The following TNIK variants were observed in gnomAD, a reference collection of about 807,000 sequenced individuals.
TNIK encodes TRAF2 and NCK-interacting protein kinase.
TNIK carries 49 observed loss-of-function variants against 191.3 expected under a neutral mutation model. The ratio of observed to expected loss-of-function variants is 0.26; its 90% CI spans 0.20 to 0.32. The LOEUF (loss-of-function observed/expected upper bound fraction) is 0.32, where lower values mean the gene tolerates loss of function less well. TNIK is among the 10% of genes least tolerant of loss of function. The pLI is 1.00. For missense variants in TNIK, 1,155 were observed against 1,702.3 expected (o/e 0.68, Z 5.66); for synonymous variants, 594 against 600.9 (o/e 0.99, Z 0.17).
At chr3:171,443,667 AT>A (rs1339574951) in intron 1 of TNIK, among the ~76,000 whole-genome samples, 4 of 151,204 alleles carry the variant, frequency 2.6e-5, no homozygotes, top group African/African-American at 7.4e-5. Flanking sequence ...AAAAAAAAAA[AT>A]TTCAAAAAAT....
At chr3:171,347,042 G>T in intron 2 of TNIK, 1 of 1,211,894 alleles carries the variant, frequency 8.3e-7, no homozygotes. Flanking sequence ...TGAGAGATGT[G>T]CAATGCCTGT....
chr3:171,084,608 A>C (rs967875806), intron 25 of TNIK, among the ~76,000 whole-genome samples: 2 of 152,226 alleles, frequency 1.3e-5, no homozygotes, highest in African/African-American at 4.8e-5. Flanking sequence ...TCTTGTATAT[A>C]GGCAAAAAAG....
intron 3 of TNIK, among the ~76,000 whole-genome samples, chr3:171,226,166 A>G (rs1742937837): frequency 6.6e-6 from 1 of 152,182 alleles, no homozygotes; most frequent in Non-Finnish European, 1.5e-5. Flanking sequence ...TGGATTTTTA[A>G]GTAGACACAT....
chr3:171,254,651 C>G (rs1746625613), intron 2 of TNIK, among the ~76,000 whole-genome samples: 1 of 152,118 alleles, frequency 6.6e-6, no homozygotes, highest in South Asian at 2.1e-4. Context: ...GATGAAGACT[C>G]CCAACTACTA....
chr3:171,188,626 T>A, intron 7 of TNIK, 76 bp downstream of exon 7: 1 of 1,540,314 alleles, frequency 6.5e-7, no homozygotes, highest in Non-Finnish European at 8.8e-7. Flanking sequence ...ATCATAAATA[T>A]AAGGGCATGT....
At chr3:171,351,111 G>A (rs13087316) in intron 2 of TNIK, among the ~76,000 whole-genome samples, 41,743 of 151,864 alleles carry the variant, frequency 0.27, 5,970 homozygotes, top group Admixed American at 0.33. Context: ...GGCTGGTCTC[G>A]AACTCCTGAG....
rs781076713 is a variant in TNIK at position 171,190,707 on chromosome 3, T to C, written c.498A>G (p.Glu166=). 1.3e-6 allele frequency: 2 copies of C among 1,590,008 alleles called. No homozygotes were observed. The highest frequency in any genetic ancestry group is 1.7e-6 in the Non-Finnish European group (2 of 1,166,464). ...GQNVLLTENA[E]VKLVDFGVSA... is the part of the protein sequence containing the mutation. ...GGATTCTGCTCTTACCTAGTTTAAC[T>C]TCTGCATTTTCAGTCAGCAAGACAT... The change falls in exon 6 of 33, where the codon GAA becomes GAG. Residue 166 remains glutamate, a synonymous_variant. Transcript: ENST00000436636.
At chr3:171,066,809 GC>G in intron 30 of TNIK, 74 bp from the exon 31 acceptor site, 1 of 1,480,150 alleles carries the variant, frequency 6.8e-7, no homozygotes, top group South Asian at 1.4e-5. Context: ...TCTAACAACT[GC>G]AAAAAAGAGG....
At chr3:171,288,593 G>T (rs541080277) in intron 2 of TNIK, among the ~76,000 whole-genome samples, 1 of 152,082 alleles carries the variant, frequency 6.6e-6, no homozygotes, top group Admixed American at 6.5e-5. Context: ...CAGATCACAA[G>T]GTCAGGAGAT....
At chr3:171,084,690 A>G (rs963619327) in intron 25 of TNIK, among the ~76,000 whole-genome samples, 2 of 152,166 alleles carry the variant, frequency 1.3e-5, no homozygotes, top group African/African-American at 4.8e-5. Context: ...TAATTACTTG[A>G]AGAAGATTAG....
rs540194575 is a variant in TNIK, at chr3:171,332,964, G to A, written c.123+36656C>T. ...AAGCAATATTGGATGGGACTAGGGG[G>A]TGGAAATGCTAGAAATCTGTGATAT... On this transcript the variant is annotated intron_variant, in intron 2 of 32. Coordinates refer to ENST00000436636, the MANE Select transcript of TNIK (RefSeq NM_015028.4). Among the ~76,000 whole-genome samples, 14 of 152,276 alleles carry A rather than the reference G, an allele frequency of 9.2e-5. No individual in the cohort carries two copies. In the South Asian group the frequency reaches 2.9e-3, roughly 32 times the overall value.
intron 2 of TNIK, among the ~76,000 whole-genome samples, chr3:171,232,424 T>TA (rs1743772952): frequency 6.6e-6 from 1 of 151,982 alleles, no homozygotes; most frequent in Non-Finnish European, 1.5e-5. Context: ...TAAAAGAGTT[T>TA]AAAAAAATTC....
At chr3:171,072,823 C>A (rs979912258) in intron 28 of TNIK, among the ~76,000 whole-genome samples, 1 of 151,634 alleles carries the variant, frequency 6.6e-6, no homozygotes, top group East Asian at 2.0e-4. Context: ...CAGACACACA[C>A]ACACACCCCA....
intron 23 of TNIK, among the ~76,000 whole-genome samples, chr3:171,091,314 T>A (rs565234463): frequency 3.9e-5 from 6 of 152,288 alleles, no homozygotes; most frequent in African/African-American, 1.2e-4. Flanking sequence ...CTGGTTGAAG[T>A]GGGACATTTC....
At chr3:171,296,289 C>T (rs1411406348) in intron 2 of TNIK, among the ~76,000 whole-genome samples, 3 of 152,158 alleles carry the variant, frequency 2.0e-5, no homozygotes, top group Non-Finnish European at 1.5e-5. Context: ...GGCAAATTAA[C>T]TGGTGTTTCA....
chr3:171,320,784 C>T (rs1164878383), intron 2 of TNIK, among the ~76,000 whole-genome samples: 1 of 152,214 alleles, frequency 6.6e-6, no homozygotes, highest in African/African-American at 2.4e-5. Flanking sequence ...GCTGCATTCA[C>T]ATGACTTTCC....
intron 14 of TNIK, 92 bp downstream of exon 14, chr3:171,139,378 G>GCGCACACACACACACACACA: frequency 2.9e-6 from 2 of 691,722 alleles, no homozygotes; most frequent in East Asian, 2.9e-5. Flanking sequence ...ACGCACGCGC[G>GCGCACACACACACACACACA]CACACACACA....
At chr3:171,332,608 G>A (rs1179801895) in intron 2 of TNIK, among the ~76,000 whole-genome samples, 1 of 152,186 alleles carries the variant, frequency 6.6e-6, no homozygotes, top group Admixed American at 6.5e-5. Context: ...CCAGAGAAAG[G>A]TGTGAGATGT....
At chr3:171,114,349 G>A (rs1169106801) in intron 18 of TNIK, among the ~76,000 whole-genome samples, 2 of 152,208 alleles carry the variant, frequency 1.3e-5, no homozygotes, top group Non-Finnish European at 2.9e-5. Flanking sequence ...TACCAAGTAT[G>A]TATCAGGCAC....
Sources: allele counts gnomAD v4.1 joint callset (sites outside exome capture counted in the v4.1 genomes callset), GRCh38; gene constraint gnomAD v4.1.1; transcripts MANE v1.5; gene names NCBI Gene and HGNC (gene_info 2026-07-23, HGNC 2026-07-21).